NREP: variants seen among roughly 807,000 people sequenced by gnomAD.
NREP encodes neuronal regeneration related protein, also known as neuronal regeneration-related protein.
NREP carries 5 observed loss-of-function variants against 8.6 expected under a neutral mutation model. That is an observed-to-expected ratio of 0.58 (90% CI 0.30 to 1.22). The LOEUF (loss-of-function observed/expected upper bound fraction) is 1.22. NREP is among the 50% of genes most tolerant of loss of function. NREP has a pLI of 0.07. For synonymous variants in NREP, 27 were observed against 28.0 expected, an observed-to-expected ratio of 0.96 and a Z score of 0.11; for missense variants, 86 against 82.5, an observed-to-expected ratio of 1.04 and a Z score of -0.17.
chr5:111,881,666 G>A (rs574404010), intron 2 of NREP, among the ~76,000 whole-genome samples: 5 of 152,212 alleles, frequency 3.3e-5, no homozygotes, highest in South Asian at 2.1e-4. Context: ...CAGCATTTGC[G>A]GTCCATGAAA....
At position 111,944,255 on chromosome 5, in the gene NREP, G is replaced by A. The variant is rs553301752; in HGVS notation, c.135+31019C>T. ...ATTGTTAGGTTTCTTCCTACTTTTC[G>A]AACTTTGACACTTCTCTCCTGTACC... On this transcript the variant is annotated intron_variant, in intron 2 of 3. Coordinates refer to the NREP transcript ENST00000395634. Among the ~76,000 whole-genome samples, 8 of 151,922 alleles carry A rather than the reference G, an allele frequency of 5.3e-5. No individual in the cohort carries two copies. The East Asian group carries it at 1.2e-3, about 22-fold the overall frequency.
At chr5:111,866,295 A>T (rs1753662993) in intron 2 of NREP, among the ~76,000 whole-genome samples, 1 of 152,194 alleles carries the variant, frequency 6.6e-6, no homozygotes, top group African/African-American at 2.4e-5. Context: ...GAACTCAAAC[A>T]AATTTACGAG....
At chr5:111,779,286 A>G (rs1454053657) in intron 2 of NREP, among the ~76,000 whole-genome samples, 1 of 152,100 alleles carries the variant, frequency 6.6e-6, no homozygotes, top group Non-Finnish European at 1.5e-5. Context: ...CAGGAACTAG[A>G]TGGCTTTCTG....
At chr5:111,813,061 A>G (rs537048289) in intron 2 of NREP, among the ~76,000 whole-genome samples, 1 of 152,132 alleles carries the variant, frequency 6.6e-6, no homozygotes, top group Non-Finnish European at 1.5e-5. Context: ...CCTACTCTTT[A>G]AGTGTGTTCC....
chr5:111,815,617 A>G (rs557407028), intron 2 of NREP, among the ~76,000 whole-genome samples: 345 of 152,262 alleles, frequency 2.3e-3, no homozygotes, highest in African/African-American at 8.0e-3. Context: ...TCACCGATAT[A>G]AAGAATTAAA....
intron 2 of NREP, among the ~76,000 whole-genome samples, chr5:111,855,577 C>CCTGACTGA (rs1259516839): frequency 1.3e-5 from 2 of 152,122 alleles, no homozygotes; most frequent in Non-Finnish European, 2.9e-5. Context: ...CCAGCAGGGC[C>CCTGACTGA]CTGACTGACA....
intron 2 of NREP, chr5:111,755,452 C>T: frequency 2.9e-6 from 1 of 342,340 alleles, no homozygotes; most frequent in Non-Finnish European, 5.6e-6. Context: ...TCACCACCTC[C>T]ATGCGTGTCA....
At chr5:111,732,743 A>C (rs1182868302) in intron 3 of NREP, 1 of 151,274 alleles carries the variant, frequency 6.6e-6, no homozygotes, top group Non-Finnish European at 1.5e-5. Context: ...ACCTCACCCC[A>C]CAGTCAACCA....
chr5:111,873,361 C>T (rs2112499922), intron 2 of NREP, among the ~76,000 whole-genome samples: 1 of 152,214 alleles, frequency 6.6e-6, no homozygotes, highest in African/African-American at 2.4e-5. Flanking sequence ...GCTATATAGG[C>T]CAGAAGTCCA....
rs146759346 is a variant in NREP, at chr5:111,890,893, T to C, written c.135+84381A>G. 4.0e-3 allele frequency among the ~76,000 whole-genome samples: 616 copies of C among 152,328 alleles called. 8 individuals carry two copies. The highest frequency in any genetic ancestry group is 0.029 in the Admixed American group (444 of 15,308). ...AAGCCTCTGCAATGCCTTTGAGGCC[T>C]TTTTCCCATTATCTTGGCTATCAGC... On this transcript the variant is annotated intron_variant, in intron 2 of 3. Coordinates refer to the NREP transcript ENST00000395634.
chr5:111,730,308 A>G lies in NREP; in HGVS notation c.*613T>C, dbSNP rs1162812556. 1 of 152,606 alleles carries G rather than the reference A, an allele frequency of 6.6e-6. No homozygotes were observed. The highest frequency in any genetic ancestry group is 6.5e-5 in the Admixed American group (1 of 15,270). The allele number at this position is 152,606 out of a possible 1,614,324, so 9.5% of individuals were successfully genotyped here. On this transcript the variant is annotated 3_prime_UTR_variant, in exon 4 of 4. Coordinates refer to ENST00000257435, the MANE Select transcript of NREP (RefSeq NM_004772.4). ...ACACCTTCTTAGAACATGGAAATAA[A>G]AAATAACTCCATCAGAGCTACCTCG...
chr5:111,746,542 C>T (rs1750018735), intron 2 of NREP, among the ~76,000 whole-genome samples: 1 of 152,010 alleles, frequency 6.6e-6, no homozygotes, highest in Non-Finnish European at 1.5e-5. Context: ...AATTTTTGAT[C>T]CTATATTAAC....
In NREP at chr5:111,740,173, CAATT is replaced by C. The variant is rs1482085443; in HGVS notation, c.4-4670_4-4667del. 1.4e-4 allele frequency among the ~76,000 whole-genome samples: 22 copies of C among 152,170 alleles called. No individual in the cohort carries two copies. The South Asian group carries it at 4.4e-3, about 30-fold the overall frequency. On this transcript the variant is annotated intron_variant, in intron 2 of 3. Coordinates refer to ENST00000257435, the MANE Select transcript of NREP (RefSeq NM_004772.4). ...TATGATGCTATATTTATCTCACTGA[CAATT>C]AGGTTGAAAAACAACAGAACGTCAT...
chr5:111,878,716 T>C (rs1405640997), intron 2 of NREP, among the ~76,000 whole-genome samples: 11 of 152,122 alleles, frequency 7.2e-5, no homozygotes, highest in African/African-American at 2.4e-5. Context: ...TGGTAAGAGG[T>C]CGACAGTCAG....
intron 2 of NREP, among the ~76,000 whole-genome samples, chr5:111,765,867 T>C (rs2112867732): frequency 6.6e-6 from 1 of 152,284 alleles, no homozygotes; most frequent in East Asian, 1.9e-4. Context: ...TATGAAATGG[T>C]TCTTCAGGCA....
chr5:111,967,576 C>T (rs931743745), intron 2 of NREP, among the ~76,000 whole-genome samples: 5 of 152,174 alleles, frequency 3.3e-5, no homozygotes, highest in African/African-American at 1.2e-4. Context: ...TTCTTTGCTC[C>T]AGCCAAGGCA....
At chr5:111,908,992 T>G (rs1754842641) in intron 2 of NREP, among the ~76,000 whole-genome samples, 1 of 152,068 alleles carries the variant, frequency 6.6e-6, no homozygotes, top group South Asian at 2.1e-4. Context: ...TGTTGAGCAT[T>G]TTTCTTATGT....
chr5:111,781,787 G>A (rs930371911), intron 2 of NREP, among the ~76,000 whole-genome samples: 1 of 152,100 alleles, frequency 6.6e-6, no homozygotes, highest in African/African-American at 2.4e-5. Flanking sequence ...TACTTCAAGG[G>A]TTCTTTAGCC....
intron 2 of NREP, among the ~76,000 whole-genome samples, chr5:111,855,465 C>T (rs2112473943): frequency 6.6e-6 from 1 of 152,280 alleles, no homozygotes; most frequent in East Asian, 1.9e-4. Flanking sequence ...TATAATCCCA[C>T]CTCCCAAATC....
Sources: allele counts gnomAD v4.1 joint callset (sites outside exome capture counted in the v4.1 genomes callset), GRCh38; gene constraint gnomAD v4.1.1; transcripts MANE v1.5; gene names NCBI Gene and HGNC (gene_info 2026-07-23, HGNC 2026-07-21).